ZFR: variants seen among roughly 807,000 people sequenced by gnomAD.
ZFR encodes the protein zinc finger RNA binding protein.
Under a neutral mutation model 130.7 loss-of-function variants are expected in ZFR, and 19 were observed. The ratio of observed to expected loss-of-function variants is 0.15; its 90% CI spans 0.10 to 0.21. ZFR has a LOEUF of 0.21. Ranked by LOEUF, ZFR falls within the 10% of genes least tolerant of loss-of-function variation. The pLI is 1.00. For missense variants in ZFR, 872 were observed against 1,321.5 expected (o/e 0.66, Z 5.27); for synonymous variants, 466 against 456.9 (o/e 1.02, Z -0.25).
intron 14 of ZFR, among the ~76,000 whole-genome samples, chr5:32,387,272 G>A (rs1169274895): frequency 6.6e-6 from 1 of 151,162 alleles, no homozygotes; most frequent in Admixed American, 6.6e-5. Context: ...TTCAAGTCTT[G>A]GAAAAAGAAC....
At chr5:32,440,662 A>AC (rs1357928812) in intron 2 of ZFR, among the ~76,000 whole-genome samples, 3 of 152,056 alleles carry the variant, frequency 2.0e-5, no homozygotes, top group African/African-American at 7.3e-5. Flanking sequence ...CAAAAAAAAA[A>AC]ACAAAAAATA....
intron 2 of ZFR, among the ~76,000 whole-genome samples, chr5:32,427,715 C>T (rs1754106934): frequency 6.6e-6 from 1 of 152,122 alleles, no homozygotes; most frequent in South Asian, 2.1e-4. Flanking sequence ...AGTTGGAAGT[C>T]TCACACTTGC....
In ZFR at chr5:32,438,253, A is replaced by ATTTTTTTTTTTTTTTTTTTTTTTTTTT. The variant is rs869249272; in HGVS notation, c.137+5949_137+5975dup. Among the ~76,000 whole-genome samples, 12 of 61,044 alleles carry ATTTTTTTTTTTTTTTTTTTTTTTTTTT rather than the reference A, an allele frequency of 2.0e-4. 4 individuals carry two copies. The highest frequency in any genetic ancestry group is 2.9e-4 in the African/African-American group (4 of 13,932). The allele number at this position is 61,044 out of a possible 152,430, so 40.0% of individuals were successfully genotyped here. Reference sequence around the variant, plus strand: ...AGAATGCTACTGATTTTATCTGAAAATTTTTTTTTTTTTTTTTTTTTTTTT... The same window carrying ATTTTTTTTTTTTTTTTTTTTTTTTTTT: ...AGAATGCTACTGATTTTATCTGAAAATTTTTTTTTTTTTTTTTTTTTTTTTTTTTTTTTTTTTTTTTTTTTTTTTTTT... On this transcript the variant is annotated intron_variant, in intron 2 of 19. Transcript: ENST00000265069.
At chr5:32,411,731 T>C (rs1224731422) in intron 5 of ZFR, among the ~76,000 whole-genome samples, 3 of 81,254 alleles carry the variant, frequency 3.7e-5, no homozygotes, top group Non-Finnish European at 7.4e-5. Context: ...GAATAGAAAA[T>C]ATAATACAAA....
At chr5:32,404,177 T>C (rs1367039619) in intron 6 of ZFR, 80 bp from the exon 7 acceptor site, 2 of 1,289,606 alleles carry the variant, frequency 1.6e-6, no homozygotes, top group African/African-American at 3.0e-5. Context: ...AAGAAATCTC[T>C]AATACTCATC....
chr5:32,355,480 AG>A lies in ZFR; in HGVS notation c.*279del. 4.4e-6 allele frequency: 1 copy of A among 224,886 alleles called. No homozygotes were observed. 13.9% of individuals were successfully genotyped at this position (224,886 alleles called of 1,614,324 possible). On this transcript the variant is annotated 3_prime_UTR_variant, in exon 20 of 20. Coordinates refer to ENST00000265069, the MANE Select transcript of ZFR (RefSeq NM_016107.5). ...ACTAGTTAATAAAAGACACAAAAAT[AG>A]GGGGGGAAGCTAGGGCAACCAGAAA...
chr5:32,392,645 C>G (rs1476564008), intron 11 of ZFR, among the ~76,000 whole-genome samples: 1 of 152,196 alleles, frequency 6.6e-6, no homozygotes, highest in Non-Finnish European at 1.5e-5. Flanking sequence ...AGGTGCAATT[C>G]AGGGACACCA....
intron 17 of ZFR, among the ~76,000 whole-genome samples, chr5:32,369,504 AC>A (rs1561863040): frequency 6.6e-6 from 1 of 152,126 alleles, no homozygotes; most frequent in African/African-American, 2.4e-5. Flanking sequence ...ACAAAACAAA[AC>A]AAAACAAAAC....
At chr5:32,426,904 G>GGAAA (rs1554074424) in intron 2 of ZFR, among the ~76,000 whole-genome samples, 1 of 132,976 alleles carries the variant, frequency 7.5e-6, no homozygotes, top group African/African-American at 2.8e-5. Flanking sequence ...CACTCTTTCT[G>GGAAA]AAAAAAAAAA....
rs770480428 is a variant in ZFR at position 32,403,215 on chromosome 5, A to G, written c.1407T>C (p.Leu469=). The change falls in exon 8 of 20, where the codon CTT becomes CTC. Residue 469 remains leucine (L), a synonymous_variant. Coordinates refer to ENST00000265069, the MANE Select transcript of ZFR (RefSeq NM_016107.5). Reference sequence around the variant, plus strand: ...TAAGAGACGAGTTTCCTGTAGTCGTAAGACCCTTCATTGAAGACGTTGCAA... The same window carrying G: ...TAAGAGACGAGTTTCCTGTAGTCGTGAGACCCTTCATTGAAGACGTTGCAA... ...SSVATSSMKG[L]TTTGNSSLNS... 24 of 1,614,246 alleles carry G rather than the reference A, an allele frequency of 1.5e-5. No homozygotes were observed. The highest frequency in any genetic ancestry group is 1.8e-5 in the Non-Finnish European group (21 of 1,180,034).
In ZFR at chr5:32,369,165, G is replaced by T. The variant is rs1436640990; in HGVS notation, c.2836-4890C>A. Among the ~76,000 whole-genome samples, 3 of 152,128 alleles carry T rather than the reference G, an allele frequency of 2.0e-5. No individual in the cohort carries two copies. In the East Asian group the frequency reaches 5.8e-4, roughly 29 times the overall value. ...TTAAATAGATGATTTTTGTTAAGGG[G>T]TATCTAAATGTTGAGTTAGTTCATG... On this transcript the variant is annotated intron_variant, in intron 17 of 19. Transcript: ENST00000265069.
At chr5:32,433,103 T>C (rs917845998) in intron 2 of ZFR, among the ~76,000 whole-genome samples, 3 of 152,186 alleles carry the variant, frequency 2.0e-5, no homozygotes, top group Non-Finnish European at 4.4e-5. Context: ...TAGAATGGTG[T>C]AGACCACAGG....
chr5:32,397,737 G>A (rs984899657), intron 9 of ZFR, among the ~76,000 whole-genome samples: 15 of 151,582 alleles, frequency 9.9e-5, no homozygotes, highest in African/African-American at 3.4e-4. Flanking sequence ...TTACAGGCAT[G>A]AGCCACTGCG....
chr5:32,368,105 G>A (rs1752585924), intron 17 of ZFR, among the ~76,000 whole-genome samples: 3 of 152,102 alleles, frequency 2.0e-5, no homozygotes, highest in Non-Finnish European at 4.4e-5. Flanking sequence ...AGCTCTGGTA[G>A]AGACAAAGAC....
intron 6 of ZFR, among the ~76,000 whole-genome samples, chr5:32,406,298 T>G (rs1753579238): frequency 6.6e-6 from 1 of 152,190 alleles, no homozygotes; most frequent in African/African-American, 2.4e-5. Context: ...CCTTATGAGA[T>G]TACAGAAATA....
chr5:32,415,198 A>G lies in ZFR; in HGVS notation c.566-11T>C, dbSNP rs374601542. 2.1e-5 allele frequency: 34 copies of G among 1,612,460 alleles called. No homozygotes were observed. Among genetic ancestry groups the G allele is most frequent in the Non-Finnish European group, 2.8e-5 (33 of 1,178,924 alleles). ...AACCTGCTTTGGGGGCTGAAGTAGG[A>G]AAGAGACATCAGAAAATTAGAAGAG... is the stretch of plus-strand genomic sequence containing the variant. On this transcript the variant is annotated splice_polypyrimidine_tract_variant and intron_variant, in intron 4 of 19. Coordinates refer to ENST00000265069, the MANE Select transcript of ZFR (RefSeq NM_016107.5).
At chr5:32,396,319 T>A (rs1753309945) in intron 10 of ZFR, among the ~76,000 whole-genome samples, 1 of 152,136 alleles carries the variant, frequency 6.6e-6, no homozygotes, top group Admixed American at 6.5e-5. Flanking sequence ...ACTCTAAATG[T>A]CTATGTTGGG....
chr5:32,423,099 T>C (rs921399922), intron 2 of ZFR, among the ~76,000 whole-genome samples: 1 of 151,978 alleles, frequency 6.6e-6, no homozygotes. Context: ...TCCCAGCACT[T>C]TGGGAGGCCA....
intron 19 of ZFR, among the ~76,000 whole-genome samples, chr5:32,358,369 G>A (rs1028122473): frequency 8.0e-4 from 121 of 152,004 alleles, no homozygotes; most frequent in African/African-American, 2.8e-3. Context: ...AATAAAAAAA[G>A]AAAATTTAAG....
Sources: allele counts gnomAD v4.1 joint callset (sites outside exome capture counted in the v4.1 genomes callset), GRCh38; gene constraint gnomAD v4.1.1; transcripts MANE v1.5; gene names NCBI Gene and HGNC (gene_info 2026-07-23, HGNC 2026-07-21).